Variants in EMP2 observed in about 807,000 individuals in gnomAD.
EMP2 encodes the protein epithelial membrane protein 2.
A neutral mutation model predicts 13.7 loss-of-function variants in EMP2; 19 were observed. That is an observed-to-expected ratio of 1.38 (90% CI 0.97 to 2.03). The LOEUF (loss-of-function observed/expected upper bound fraction) is 2.03, where lower values mean the gene tolerates loss of function less well. EMP2 is among the 30% of genes most tolerant of loss of function. The pLI is 0.00. For synonymous variants in EMP2, 97 were observed against 84.7 expected (o/e 1.15, Z -0.80); for missense variants, 253 against 220.7 (o/e 1.15, Z -0.93).
rs2051019462 is a variant in EMP2, at chr16:10,580,416, C to A, written c.-61+133G>T. On this transcript the variant is annotated intron_variant, in intron 1 of 4. Coordinates refer to ENST00000359543, the MANE Select transcript of EMP2 (RefSeq NM_001424.6). The surrounding 1 kb of genome is among the most constrained non-coding windows in gnomAD (Gnocchi z 4.3). ...CGGCATGGGTGGCACCTCGGCCCTCCCGTTACTGTCACCAATTCCGGGGGC... is the reference window on the plus strand; with the variant it reads ...CGGCATGGGTGGCACCTCGGCCCTCACGTTACTGTCACCAATTCCGGGGGC... The A allele has an allele frequency of 6.6e-6, 1 of 152,288 alleles. No individual in the cohort carries two copies. The highest frequency in any genetic ancestry group is 1.5e-5 in the Non-Finnish European group (1 of 68,094). The allele number at this position is 152,288 out of a possible 1,614,324, so 9.4% of individuals were successfully genotyped here.
chr16:10,546,055 A>T (rs1398180398), intron 2 of EMP2: 1 of 152,346 alleles, frequency 6.6e-6, no homozygotes, highest in South Asian at 2.1e-4. Context: ...CCTGAGGCGC[A>T]GTTCCTTCAC....
intron 3 of EMP2, among the ~76,000 whole-genome samples, chr16:10,541,126 G>C (rs1449984292): frequency 6.6e-6 from 1 of 151,958 alleles, no homozygotes. Flanking sequence ...TTATGGGTGA[G>C]TGCAGAGGCT....
intron 3 of EMP2, among the ~76,000 whole-genome samples, chr16:10,542,765 C>G (rs1424513648): frequency 6.6e-6 from 1 of 152,232 alleles, no homozygotes; most frequent in Non-Finnish European, 1.5e-5. Context: ...ATTATTACTT[C>G]TGTTCTACAG....
chr16:10,575,234 A>ATTTTTTTTTTT, intron 1 of EMP2, among the ~76,000 whole-genome samples: 1 of 53,368 alleles, frequency 1.9e-5, no homozygotes, highest in South Asian at 8.1e-4. Flanking sequence ...TGGAGCTTGC[A>ATTTTTTTTTTT]TTCTTTTTTT....
At chr16:10,562,340 C>CTCTT (rs1321231975) in intron 1 of EMP2, among the ~76,000 whole-genome samples, 1 of 41,012 alleles carries the variant, frequency 2.4e-5, no homozygotes, top group Admixed American at 2.2e-4. Context: ...TGCATGTTCT[C>CTCTT]TCTCTCTCTC....
chr16:10,571,613 T>A (rs1192875134), intron 1 of EMP2, among the ~76,000 whole-genome samples: 1 of 152,188 alleles, frequency 6.6e-6, no homozygotes, highest in Non-Finnish European at 1.5e-5. Flanking sequence ...GAAGAGTGAC[T>A]TGGTCAGCTT....
chr16:10,534,159 G>A (rs191729824), intron 4 of EMP2, among the ~76,000 whole-genome samples: 1 of 152,084 alleles, frequency 6.6e-6, no homozygotes, highest in Non-Finnish European at 1.5e-5. Flanking sequence ...GAGCGATGAG[G>A]GAGGAGAAAG....
chr16:10,575,567 C>T (rs908589632), intron 1 of EMP2, among the ~76,000 whole-genome samples: 8 of 151,994 alleles, frequency 5.3e-5, no homozygotes, highest in African/African-American at 1.9e-4. Context: ...TTGTCACCCC[C>T]ATCGCTAGAT....
At position 10,533,074 on chromosome 16, in the gene EMP2, G is replaced by T; in HGVS notation, c.335C>A (p.Ala112Glu). ...QLMSCLCVMI[A>E]ASIYTDRRED... ...ACGCCTGTCTGTATAAATGGAGGCC[G>T]CAATCATGACACACAGACCTGTCAG... Residue 112 changes from alanine to glutamate, a missense_variant, in exon 5 of 5, where the codon GCG (alanine) becomes GAG (glutamate). Coordinates refer to ENST00000359543, the MANE Select transcript of EMP2 (RefSeq NM_001424.6). The T allele has an allele frequency of 6.3e-7, 1 of 1,584,738 alleles. No individual in the cohort carries two copies. Among genetic ancestry groups the T allele is most frequent in the Non-Finnish European group, 8.6e-7 (1 of 1,164,048 alleles).
At chr16:10,577,111 G>C (rs186686447) in intron 1 of EMP2, among the ~76,000 whole-genome samples, 152 of 152,282 alleles carry the variant, frequency 1.0e-3, no homozygotes, top group African/African-American at 3.4e-3. Flanking sequence ...CTAGTCCTGG[G>C]TCGGCTGCCA....
At chr16:10,563,552 G>A (rs115176878) in intron 1 of EMP2, among the ~76,000 whole-genome samples, 4 of 152,246 alleles carry the variant, frequency 2.6e-5, no homozygotes, top group Non-Finnish European at 4.4e-5. Flanking sequence ...CTTTGCTGGC[G>A]AGTTAAAGAC....
At chr16:10,573,103 G>A (rs970616875) in intron 1 of EMP2, among the ~76,000 whole-genome samples, 17 of 152,172 alleles carry the variant, frequency 1.1e-4, no homozygotes, top group African/African-American at 4.1e-4. Context: ...AGGCTAGGGT[G>A]CAGTGGCACA....
rs1323333329 is a variant in EMP2 at position 10,571,493 on chromosome 16, C to T, written c.-61+9056G>A. Among the ~76,000 whole-genome samples, 3 of 152,144 alleles carry T rather than the reference C, an allele frequency of 2.0e-5. No homozygotes were observed. The East Asian group carries it at 5.8e-4, about 29-fold the overall frequency. The stretch of plus-strand genomic sequence containing the variant: ...AAATCAGCATTCTATCCAGATTCCC[C>T]AGGAGATTCGGAAGGTCAGTCAGCC... On this transcript the variant is annotated intron_variant, in intron 1 of 4. Transcript: ENST00000359543.
chr16:10,578,569 A>G (rs1273861332), intron 1 of EMP2, among the ~76,000 whole-genome samples: 2 of 152,198 alleles, frequency 1.3e-5, no homozygotes, highest in Non-Finnish European at 2.9e-5. Flanking sequence ...GAGGTGGGGC[A>G]GTGTCAGCCC....
chr16:10,534,752 C>G (rs911573936), intron 4 of EMP2, among the ~76,000 whole-genome samples: 1 of 152,174 alleles, frequency 6.6e-6, no homozygotes, highest in African/African-American at 2.4e-5. Context: ...GGCGACAGAG[C>G]GAAACCCTAT....
chr16:10,530,608 G>GCA lies in EMP2; in HGVS notation c.*2295_*2296dup, dbSNP rs3838366. On this transcript the variant is annotated 3_prime_UTR_variant, in exon 5 of 5. Transcript: ENST00000359543. ...CCTGGGTGGTCTGCATTGCCACACA[G>GCA]CATCATGCTTTGATCCTGAAGGACA... 17,637 of 152,586 alleles carry GCA rather than the reference G, an allele frequency of 0.12. 1,182 individuals carry two copies. Among genetic ancestry groups the GCA allele is most frequent in the South Asian group, 0.3 (1,443 of 4,816 alleles). The allele number at this position is 152,586 out of a possible 1,614,324, so 9.5% of individuals were successfully genotyped here.
At chr16:10,562,667 G>C (rs1418131582) in intron 1 of EMP2, among the ~76,000 whole-genome samples, 1 of 152,142 alleles carries the variant, frequency 6.6e-6, no homozygotes, top group African/African-American at 2.4e-5. Context: ...ACATTCTGGG[G>C]TGGTTTGTTA....
At chr16:10,567,134 G>A (rs535947345) in intron 1 of EMP2, among the ~76,000 whole-genome samples, 10 of 152,234 alleles carry the variant, frequency 6.6e-5, no homozygotes, top group South Asian at 2.1e-4. Flanking sequence ...CTTATGTATC[G>A]CTGTGCACTT....
At chr16:10,574,679 G>A (rs1380707522) in intron 1 of EMP2, among the ~76,000 whole-genome samples, 1 of 151,908 alleles carries the variant, frequency 6.6e-6, no homozygotes, top group African/African-American at 2.4e-5. Flanking sequence ...AGCCTCCCAA[G>A]TAGCTGGGAC....
Sources: gnomAD v4.1 joint callset for allele counts (sites outside exome capture counted in the v4.1 genomes callset) on GRCh38, gnomAD v4.1.1 for gene constraint, Gnocchi (gnomAD v3.1) non-coding constraint, MANE v1.5 for transcripts, NCBI Gene and HGNC (gene_info 2026-07-23, HGNC 2026-07-21) for gene names.